Variants in DAP observed in about 807,000 individuals in gnomAD.
The protein encoded by DAP is death-associated protein 1.
Under a neutral mutation model 13.8 loss-of-function variants are expected in DAP, and 8 were observed. The ratio of observed to expected loss-of-function variants is 0.58; its 90% CI spans 0.34 to 1.05. The LOEUF is 1.05. DAP is among the 50% of genes least tolerant of loss of function. DAP has a pLI of 0.03. For synonymous variants in DAP, 47 were observed against 47.5 expected (o/e 0.99, Z 0.04); for missense variants, 106 against 133.2 (o/e 0.80, Z 1.01).
chr5:10,735,883 C>T (rs577608618), intron 2 of DAP, among the ~76,000 whole-genome samples: 36 of 152,324 alleles, frequency 2.4e-4, no homozygotes, highest in African/African-American at 8.2e-4. Flanking sequence ...GTTGAATTTA[C>T]GTTTCCCCCA....
In DAP at chr5:10,715,797, G is replaced by A. The variant is rs561826194; in HGVS notation, c.153-32226C>T. 1.2e-4 allele frequency among the ~76,000 whole-genome samples: 19 copies of A among 152,326 alleles called. No homozygotes were observed. The South Asian group carries it at 3.9e-3, about 32-fold the overall frequency. ...TATCATTCATGCCCCCTGGCCCTGG[G>A]AACTCACCATGGAATTCCAACAAGG... On this transcript the variant is annotated intron_variant, in intron 2 of 3. Transcript: ENST00000230895.
intron 2 of DAP, among the ~76,000 whole-genome samples, chr5:10,741,145 G>A (rs1018621456): frequency 6.6e-6 from 1 of 152,120 alleles, no homozygotes; most frequent in Non-Finnish European, 1.5e-5. Context: ...GAGCTCAAGA[G>A]TTTGAGACCA....
chr5:10,748,701 T>C (rs1739973120), intron 1 of DAP, among the ~76,000 whole-genome samples: 1 of 152,206 alleles, frequency 6.6e-6, no homozygotes, highest in Non-Finnish European at 1.5e-5. Flanking sequence ...ATGGGTGACA[T>C]GGGACAGCTA....
intron 2 of DAP, among the ~76,000 whole-genome samples, chr5:10,730,874 G>T (rs1490725949): frequency 8.2e-6 from 1 of 121,262 alleles, no homozygotes; most frequent in African/African-American, 3.3e-5. Context: ...AGCCCTGGTG[G>T]GGGGAATCTT....
chr5:10,754,906 C>T (rs1255824383), intron 1 of DAP, among the ~76,000 whole-genome samples: 2 of 152,172 alleles, frequency 1.3e-5, no homozygotes, highest in Admixed American at 1.3e-4. Flanking sequence ...AGCATCATGT[C>T]ATCACGTCCC....
intron 2 of DAP, among the ~76,000 whole-genome samples, chr5:10,693,856 AT>A (rs908982137): frequency 2.0e-5 from 3 of 152,106 alleles, no homozygotes; most frequent in East Asian, 1.9e-4. Context: ...TTGATAGTGG[AT>A]TTTTTTTCCT....
intron 1 of DAP, among the ~76,000 whole-genome samples, chr5:10,759,407 G>A (rs1216056798): frequency 6.6e-6 from 1 of 152,096 alleles, no homozygotes; most frequent in Non-Finnish European, 1.5e-5. Context: ...GTGGTGGAAT[G>A]GAAGTCAGTT....
chr5:10,757,895 A>C (rs1408223122), intron 1 of DAP, among the ~76,000 whole-genome samples: 1 of 152,184 alleles, frequency 6.6e-6, no homozygotes, highest in Non-Finnish European at 1.5e-5. Context: ...TAAAGAGATC[A>C]AGAAGACCCA....
intron 1 of DAP, among the ~76,000 whole-genome samples, chr5:10,759,899 C>T (rs1000888512): frequency 6.6e-6 from 1 of 151,910 alleles, no homozygotes; most frequent in African/African-American, 2.4e-5. Context: ...GGATTACAGG[C>T]GCCCGCCACC....
At chr5:10,681,246 G>T in intron 3 of DAP, 77 bp from the exon 4 acceptor site, 1 of 1,128,660 alleles carries the variant, frequency 8.9e-7, no homozygotes, top group Non-Finnish European at 1.2e-6. Flanking sequence ...CCAGGCCAGT[G>T]CCCACCAGCG....
At position 10,707,431 on chromosome 5, in the gene DAP, C is replaced by G. The variant is rs1415212670; in HGVS notation, c.153-23860G>C. 6.6e-6 allele frequency among the ~76,000 whole-genome samples: 1 copy of G among 152,112 alleles called. No homozygotes were observed. The highest frequency in any genetic ancestry group is 1.5e-5 in the Non-Finnish European group (1 of 68,038). On this transcript the variant is annotated intron_variant, in intron 2 of 3. Transcript: ENST00000230895. This position sits in a 1 kb window ranked among gnomAD's most constrained non-coding sequence, Gnocchi z 4.0. ...ACCCCGTAACAATGTGGCCCCAGCA[C>G]TGAGCTGAGGGCAGGAGAGCTGGTG...
intron 2 of DAP, among the ~76,000 whole-genome samples, chr5:10,724,193 A>C (rs1739226395): frequency 6.6e-6 from 1 of 152,192 alleles, no homozygotes; most frequent in Non-Finnish European, 1.5e-5. Flanking sequence ...CCCAGGAACT[A>C]CTCTGCCACC....
chr5:10,721,363 C>T (rs1739135615), intron 2 of DAP, among the ~76,000 whole-genome samples: 1 of 152,140 alleles, frequency 6.6e-6, no homozygotes, highest in Non-Finnish European at 1.5e-5. Context: ...AACGCGGCTA[C>T]CAGGAGACAC....
intron 1 of DAP, among the ~76,000 whole-genome samples, chr5:10,752,750 C>A (rs1465446312): frequency 1.3e-5 from 2 of 152,140 alleles, no homozygotes; most frequent in African/African-American, 4.8e-5. Flanking sequence ...CTCTCTGTGC[C>A]TCAGGGTCTG....
intron 2 of DAP, among the ~76,000 whole-genome samples, chr5:10,721,985 C>T (rs1359145541): frequency 2.0e-5 from 3 of 152,024 alleles, no homozygotes; most frequent in Non-Finnish European, 4.4e-5. Flanking sequence ...GGGATCAGTG[C>T]GTTTCTGGTA....
chr5:10,725,369 C>A (rs1004117311), intron 2 of DAP, among the ~76,000 whole-genome samples: 1 of 152,268 alleles, frequency 6.6e-6, no homozygotes, highest in African/African-American at 2.4e-5. Context: ...GGCTCCTGCA[C>A]GCTGGGCCAG....
intron 2 of DAP, among the ~76,000 whole-genome samples, chr5:10,737,387 A>ACAACAAC (rs1267002118): frequency 6.6e-6 from 1 of 151,700 alleles, no homozygotes; most frequent in Non-Finnish European, 1.5e-5. Context: ...AACAACAACA[A>ACAACAAC]AAAAAACTGG....
At chr5:10,759,406 T>G (rs933976555) in intron 1 of DAP, among the ~76,000 whole-genome samples, 8 of 152,106 alleles carry the variant, frequency 5.3e-5, no homozygotes, top group Admixed American at 5.2e-4. Context: ...TGTGGTGGAA[T>G]GGAAGTCAGT....
intron 2 of DAP, among the ~76,000 whole-genome samples, chr5:10,745,255 T>A (rs532137321): frequency 4.6e-5 from 7 of 152,086 alleles, no homozygotes; most frequent in African/African-American, 1.7e-4. Context: ...AGCTAAAGAG[T>A]GTACACAGGC....
Sources: allele counts gnomAD v4.1 joint callset (sites outside exome capture counted in the v4.1 genomes callset), GRCh38; gene constraint gnomAD v4.1.1; non-coding constraint Gnocchi (gnomAD v3.1); transcripts MANE v1.5; gene names NCBI Gene and HGNC (gene_info 2026-07-23, HGNC 2026-07-21).